ASTN2: variants seen among roughly 807,000 people sequenced by gnomAD.
ASTN2 encodes the protein astrotactin-2.
In ASTN2, 54 loss-of-function variants were observed where a neutral mutation model predicts 139.8. The observed-to-expected ratio is 0.39, with a 90% CI of 0.31 to 0.48. ASTN2 has a LOEUF of 0.48. Among genes scored for constraint, ASTN2 ranks in the 20% least tolerant of loss-of-function variants. The pLI is 0.95. For synonymous variants in ASTN2, 756 were observed against 719.5 expected, an observed-to-expected ratio of 1.05 and a Z score of -0.81; for missense variants, 1,565 against 1,725.1, an observed-to-expected ratio of 0.91 and a Z score of 1.64.
chr9:116,611,774 A>T (rs750225675), intron 19 of ASTN2: 28 of 152,174 alleles, frequency 1.8e-4, no homozygotes, highest in Admixed American at 1.2e-3. Context: ...CCTTCTTGCA[A>T]GAAAAGGTCT....
chr9:116,985,443 T>C (rs1836649189), intron 7 of ASTN2, among the ~76,000 whole-genome samples: 1 of 152,208 alleles, frequency 6.6e-6, no homozygotes, highest in African/African-American at 2.4e-5. Flanking sequence ...GGACAGTCCA[T>C]ACGGGGTGGT....
intron 12 of ASTN2, among the ~76,000 whole-genome samples, chr9:116,814,694 A>G (rs573695291): frequency 1.7e-3 from 257 of 152,324 alleles, no homozygotes; most frequent in African/African-American, 6.1e-3. Context: ...GATTTGGGAG[A>G]GCCTTGACTA....
chr9:116,772,373 T>C (rs977228959), intron 13 of ASTN2, among the ~76,000 whole-genome samples: 1 of 152,200 alleles, frequency 6.6e-6, no homozygotes, highest in South Asian at 2.1e-4. Flanking sequence ...CCTGCCACCA[T>C]GTAAGACGTG....
chr9:116,688,199 G>A (rs1311316670), intron 16 of ASTN2, among the ~76,000 whole-genome samples: 1 of 152,066 alleles, frequency 6.6e-6, no homozygotes, highest in Non-Finnish European at 1.5e-5. Context: ...GGGCATATGA[G>A]TGAGGAATTG....
At chr9:116,632,220 A>AGAAG (rs1564169155) in intron 17 of ASTN2, among the ~76,000 whole-genome samples, 1 of 133,618 alleles carries the variant, frequency 7.5e-6, no homozygotes, top group Non-Finnish European at 1.6e-5. Flanking sequence ...AAAGAAAGAA[A>AGAAG]GAAAGAAAGA....
In ASTN2 at chr9:116,455,348, CAAA is replaced by C. The variant is rs34816182; in HGVS notation, c.3498-12798_3498-12796del. On this transcript the variant is annotated intron_variant, in intron 20 of 22. Transcript: ENST00000313400. ...TGGGTGACAGAGTGCGATTCTGTCT[CAAA>C]AAAAAAAAAAAAAAGAAAAGAAAAG... Among the ~76,000 whole-genome samples, 1,005 of 123,770 alleles carry C rather than the reference CAAA, an allele frequency of 8.1e-3. 8 individuals are homozygous for C. The highest frequency in any genetic ancestry group is 0.027 in the African/African-American group (881 of 32,352). The allele number at this position is 123,770 out of a possible 152,430, so 81.2% of individuals were successfully genotyped here. A position where few individuals can be genotyped will look rare whatever the true frequency, so the allele number is the denominator to read the frequency against.
At chr9:117,265,825 A>T (rs1015074480) in intron 2 of ASTN2, among the ~76,000 whole-genome samples, 1 of 144,840 alleles carries the variant, frequency 6.9e-6, no homozygotes, top group African/African-American at 2.5e-5. Flanking sequence ...AAAAAAAAAA[A>T]TCTCCTAATA....
At chr9:117,360,110 A>G (rs1037757127) in intron 1 of ASTN2, among the ~76,000 whole-genome samples, 1 of 152,096 alleles carries the variant, frequency 6.6e-6, no homozygotes, top group Non-Finnish European at 1.5e-5. Flanking sequence ...GCACATAGAG[A>G]TTCTTGGATT....
chr9:116,600,856 G>GC lies in ASTN2; in HGVS notation c.3355+17467dup, dbSNP rs555476764. Among the ~76,000 whole-genome samples the GC allele has an allele frequency of 1.8e-3, 269 of 151,186 alleles. 1 individual carries two copies. The highest frequency in any genetic ancestry group is 5.9e-3 in the African/African-American group (244 of 41,110). ...ACCTGAACCGCTTTCCATCCCACCC[G>GC]CCCCTCAATCTTCACTTCATTTCAC... On this transcript the variant is annotated intron_variant, in intron 19 of 22. Coordinates refer to ENST00000313400, the MANE Select transcript of ASTN2 (RefSeq NM_001365068.1).
At chr9:116,903,106 T>C (rs1471204278) in intron 10 of ASTN2, among the ~76,000 whole-genome samples, 1 of 152,130 alleles carries the variant, frequency 6.6e-6, no homozygotes, top group East Asian at 1.9e-4. Flanking sequence ...CTTCACTTCC[T>C]CCTCCTCCTT....
At chr9:116,684,775 T>C (rs563615424) in intron 16 of ASTN2, among the ~76,000 whole-genome samples, 1 of 152,318 alleles carries the variant, frequency 6.6e-6, no homozygotes, top group East Asian at 1.9e-4. Flanking sequence ...CCCTACACTT[T>C]AAGATTAAGG....
At chr9:116,581,673 T>C (rs1353309706) in intron 19 of ASTN2, among the ~76,000 whole-genome samples, 1 of 152,168 alleles carries the variant, frequency 6.6e-6, no homozygotes, top group African/African-American at 2.4e-5. Flanking sequence ...GAAAGTTGAG[T>C]GAGATGGTCT....
In ASTN2 at chr9:117,188,191, AG is replaced by A. The variant is rs1831256052; in HGVS notation, c.1015+26166del. 4.5e-5 allele frequency among the ~76,000 whole-genome samples: 3 copies of A among 66,608 alleles called. No homozygotes were observed. The Admixed American group carries it at 4.8e-4, about 11-fold the overall frequency. The allele number at this position is 66,608 out of a possible 152,430, so 43.7% of individuals were successfully genotyped here. ...TAGAGAGAGAGAGAGAGAGAGAGAGAGACAGAGAGAGAGAGAGAGAGGAAAT... is the reference window on the plus strand; with the variant it reads ...TAGAGAGAGAGAGAGAGAGAGAGAGAACAGAGAGAGAGAGAGAGAGGAAAT... On this transcript the variant is annotated intron_variant, in intron 3 of 22. Coordinates refer to ENST00000313400, the MANE Select transcript of ASTN2 (RefSeq NM_001365068.1).
chr9:116,673,077 A>T (rs1859294582), intron 16 of ASTN2, among the ~76,000 whole-genome samples: 1 of 152,252 alleles, frequency 6.6e-6, no homozygotes, highest in Non-Finnish European at 1.5e-5. Context: ...AAATAACTTC[A>T]TAACTTTACT....
intron 16 of ASTN2, chr9:116,697,527 AAT>A: frequency 3.3e-6 from 2 of 606,540 alleles, no homozygotes; most frequent in South Asian, 3.9e-5. Context: ...CGTGACATAT[AAT>A]AGACCTCAAT....
chr9:116,515,785 T>G (rs1167974789), intron 19 of ASTN2, among the ~76,000 whole-genome samples: 9 of 152,208 alleles, frequency 5.9e-5, no homozygotes, highest in Non-Finnish European at 1.0e-4. Context: ...TGAGCAGACA[T>G]CAGAAGTGAT....
At chr9:117,289,812 C>T (rs1331717550) in intron 2 of ASTN2, among the ~76,000 whole-genome samples, 1 of 152,172 alleles carries the variant, frequency 6.6e-6, no homozygotes, top group Non-Finnish European at 1.5e-5. Context: ...TGGAAAAAGT[C>T]TATCACACTC....
At chr9:116,725,109 C>T (rs937711532) in intron 16 of ASTN2, among the ~76,000 whole-genome samples, 15 of 152,168 alleles carry the variant, frequency 9.9e-5, no homozygotes, top group African/African-American at 2.9e-4. Context: ...ACAAGAATAG[C>T]TACTTACGTA....
chr9:117,311,668 T>C (rs534683592), intron 1 of ASTN2, among the ~76,000 whole-genome samples: 1 of 152,316 alleles, frequency 6.6e-6, no homozygotes, highest in African/African-American at 2.4e-5. Flanking sequence ...AACCTCTTTA[T>C]TGACTGATAT....
Sources: gnomAD v4.1 joint callset for allele counts (sites outside exome capture counted in the v4.1 genomes callset) on GRCh38, gnomAD v4.1.1 for gene constraint, MANE v1.5 for transcripts, NCBI Gene and HGNC (gene_info 2026-07-23, HGNC 2026-07-21) for gene names.